SLC16A9: variants seen among roughly 807,000 people sequenced by gnomAD.
SLC16A9 encodes the protein solute carrier family 16 member 9.
Under a neutral mutation model 44.3 loss-of-function variants are expected in SLC16A9, and 26 were observed. The ratio of observed to expected loss-of-function variants is 0.59; its 90% CI spans 0.43 to 0.81. SLC16A9 has a LOEUF of 0.81. SLC16A9 is among the 40% of genes least tolerant of loss of function. The pLI is 0.00. For synonymous variants in SLC16A9, 230 were observed against 225.1 expected (o/e 1.02, Z -0.19); for missense variants, 559 against 595.8 (o/e 0.94, Z 0.64).
chr10:59,652,668 C>A lies in SLC16A9; in HGVS notation c.*104G>T. 2.9e-6 allele frequency: 3 copies of A among 1,042,668 alleles called. No homozygotes were observed. The highest frequency in any genetic ancestry group is 2.0e-5 in the South Asian group (1 of 50,974). 64.6% of individuals were successfully genotyped at this position (1,042,668 alleles called of 1,614,324 possible). On this transcript the variant is annotated 3_prime_UTR_variant, in exon 6 of 6. Coordinates refer to ENST00000395348, the MANE Select transcript of SLC16A9 (RefSeq NM_194298.3). ...CAGAGTCAGTCATTGTGAAATTTTGCTATGAGAAAATAGTCTTGACTCTAG... is the reference window on the plus strand; with the variant it reads ...CAGAGTCAGTCATTGTGAAATTTTGATATGAGAAAATAGTCTTGACTCTAG...
At chr10:59,654,692 G>A (rs1839310054) in intron 4 of SLC16A9, 103 bp from the exon 5 acceptor site, 1 of 858,322 alleles carries the variant, frequency 1.2e-6, no homozygotes, top group African/African-American at 1.7e-5. Flanking sequence ...GCATTTATAT[G>A]TAACTTCATA....
rs192893386 is a variant in SLC16A9, at chr10:59,694,508, T to C, written c.-36-10181A>G. Reference sequence around the variant, plus strand: ...GACTATAGATAGAATACATTAAGTATACTAAATATTCAGCCAGGTGCAGTG... The same window carrying C: ...GACTATAGATAGAATACATTAAGTACACTAAATATTCAGCCAGGTGCAGTG... On this transcript the variant is annotated intron_variant, in intron 1 of 5. Transcript: ENST00000395348. Among the ~76,000 whole-genome samples, 4 of 151,986 alleles carry C rather than the reference T, an allele frequency of 2.6e-5. No homozygotes were observed. In the East Asian group the frequency reaches 7.8e-4, roughly 30 times the overall value.
intron 4 of SLC16A9, among the ~76,000 whole-genome samples, chr10:59,658,412 C>T (rs1335510731): frequency 6.6e-6 from 1 of 152,140 alleles, no homozygotes; most frequent in African/African-American, 2.4e-5. Context: ...CTCTTTTCAT[C>T]AACGTACTAT....
intron 4 of SLC16A9, among the ~76,000 whole-genome samples, chr10:59,663,848 A>G (rs1367355249): frequency 6.6e-6 from 1 of 152,066 alleles, no homozygotes; most frequent in Non-Finnish European, 1.5e-5. Flanking sequence ...TAGAAATATC[A>G]TAAAGACAAC....
chr10:59,653,035 A>ATAC, intron 5 of SLC16A9, 85 bp from the exon 6 acceptor site: 1 of 1,021,108 alleles, frequency 9.8e-7, no homozygotes, highest in Non-Finnish European at 1.4e-6. Flanking sequence ...AGTTTTATAT[A>ATAC]TAGTTATAAT....
Position 59,654,087 on chromosome 10 carries a change from G to C in SLC16A9, c.939C>G (p.Ile313Met), listed in dbSNP as rs1839286676. 9.3e-6 allele frequency: 15 copies of C among 1,614,116 alleles called. No homozygotes were observed. Among genetic ancestry groups the C allele is most frequent in the Non-Finnish European group, 1.3e-5 (15 of 1,180,030 alleles). Residue 313 changes from isoleucine to methionine, a missense_variant, in exon 5 of 6, where the codon ATC becomes ATG. Coordinates refer to ENST00000395348, the MANE Select transcript of SLC16A9 (RefSeq NM_194298.3). ...GAAACCCTCCGATGTCAAAGAGTAA[G>C]ATAGCAATGAAAAGGGCTGAAAATA... ...NKVFSALFIA[I>M]LLFDIGGFPP...
At chr10:59,702,234 T>A (rs947467528) in intron 1 of SLC16A9, among the ~76,000 whole-genome samples, 1 of 152,316 alleles carries the variant, frequency 6.6e-6, no homozygotes, top group African/African-American at 2.4e-5. Flanking sequence ...AGAGTCTGTC[T>A]CCACCATTGA....
In SLC16A9 at chr10:59,677,964, C is replaced by T. The variant is rs370735538; in HGVS notation, c.197-5051G>A. ...GGTTAGTTACATATGTATACATGTG[C>T]CATGCTGGTGCGCTGCACCCACTAA... On this transcript the variant is annotated intron_variant, in intron 2 of 5. Transcript: ENST00000395348. 2.4e-4 allele frequency among the ~76,000 whole-genome samples: 37 copies of T among 151,682 alleles called. No individual in the cohort carries two copies. The East Asian group carries it at 4.3e-3, about 18-fold the overall frequency.
chr10:59,687,805 T>C (rs923174713), intron 1 of SLC16A9, among the ~76,000 whole-genome samples: 1 of 151,704 alleles, frequency 6.6e-6, no homozygotes, highest in Non-Finnish European at 1.5e-5. Context: ...TACAAAAAAA[T>C]ACAAAAATTA....
intron 1 of SLC16A9, among the ~76,000 whole-genome samples, chr10:59,701,036 T>C (rs537778137): frequency 6.6e-6 from 1 of 152,306 alleles, no homozygotes; most frequent in Non-Finnish European, 1.5e-5. Context: ...TTTTTCACCA[T>C]TTTCCATGTC....
At chr10:59,686,965 T>A (rs547241333) in intron 1 of SLC16A9, among the ~76,000 whole-genome samples, 1 of 152,348 alleles carries the variant, frequency 6.6e-6, no homozygotes, top group South Asian at 2.1e-4. Flanking sequence ...TGGAGTGCAA[T>A]GGCACAATCT....
chr10:59,708,520 T>C (rs1047147562), intron 1 of SLC16A9: 1 of 152,192 alleles, frequency 6.6e-6, no homozygotes, highest in African/African-American at 2.4e-5. Context: ...ATATGAACTG[T>C]TATTCAGTTA....
chr10:59,653,425 C>CA (rs562805430), intron 5 of SLC16A9, among the ~76,000 whole-genome samples: 1 of 36,764 alleles, frequency 2.7e-5, no homozygotes, highest in Non-Finnish European at 6.7e-5. Context: ...AACTCCGTCT[C>CA]AAAAAAAAAA....
At chr10:59,679,683 T>C (rs1479087097) in intron 2 of SLC16A9, among the ~76,000 whole-genome samples, 3 of 152,228 alleles carry the variant, frequency 2.0e-5, no homozygotes, top group Non-Finnish European at 2.9e-5. Context: ...CCTAGATTGG[T>C]GTTTGAACAA....
chr10:59,670,370 C>G (rs1360618610), intron 3 of SLC16A9, among the ~76,000 whole-genome samples: 1 of 152,204 alleles, frequency 6.6e-6, no homozygotes, highest in Non-Finnish European at 1.5e-5. Context: ...AGCTAGCATT[C>G]ATTGCACTAT....
At position 59,650,772 on chromosome 10, in the gene SLC16A9, A is replaced by G. The variant is rs1033256788; in HGVS notation, c.*2000T>C. ...AAAAGCAACCAAACTGATGCAAAAC[A>G]AAGAAAAATATTTTATTGTAACTTA... On this transcript the variant is annotated 3_prime_UTR_variant, in exon 6 of 6. Transcript: ENST00000395348. The G allele has an allele frequency of 2.4e-4, 37 of 152,230 alleles. No individual in the cohort carries two copies. The highest frequency in any genetic ancestry group is 8.9e-4 in the African/African-American group (37 of 41,470). 9.4% of individuals were successfully genotyped at this position (152,230 alleles called of 1,614,324 possible). A position where few individuals can be genotyped will look rare whatever the true frequency, so the allele number is the denominator to read the frequency against.
intron 1 of SLC16A9, among the ~76,000 whole-genome samples, chr10:59,705,293 C>A (rs953206947): frequency 3.3e-5 from 5 of 152,038 alleles, no homozygotes; most frequent in Non-Finnish European, 5.9e-5. Context: ...AGTCCTGCTA[C>A]AGGAATCAGG....
Position 59,654,476 on chromosome 10 carries a change from A to T in SLC16A9, c.550T>A (p.Cys184Ser). 6.2e-7 allele frequency: 1 copy of T among 1,612,862 alleles called. No individual in the cohort carries two copies. The highest frequency in any genetic ancestry group is 8.5e-7 in the Non-Finnish European group (1 of 1,180,036). Reference protein sequence around the residue: ...VGALALNILACGSLMRPLQSS... With the variant: ...VGALALNILASGSLMRPLQSS... ...TGGAGGGGTCTCATCAGACTGCCACAGGCTAATATATTTAAAGCTAAAGCA... is the reference window on the plus strand; with the variant it reads ...TGGAGGGGTCTCATCAGACTGCCACTGGCTAATATATTTAAAGCTAAAGCA... The change falls in exon 5 of 6, where the codon TGT (cysteine) becomes AGT (serine). Residue 184 changes from cysteine to serine, a missense_variant. Physicochemically the swap from Cys to Ser is moderately radical, Grantham distance 112. Coordinates refer to ENST00000395348, the MANE Select transcript of SLC16A9 (RefSeq NM_194298.3).
chr10:59,680,580 AG>A (rs1445687679), intron 2 of SLC16A9, among the ~76,000 whole-genome samples: 3 of 152,260 alleles, frequency 2.0e-5, no homozygotes, highest in Admixed American at 6.5e-5. Flanking sequence ...AAAATGTCAA[AG>A]CAAATCATAT....
Sources: gnomAD v4.1 joint callset for allele counts (sites outside exome capture counted in the v4.1 genomes callset) on GRCh38, gnomAD v4.1.1 for gene constraint, MANE v1.5 for transcripts, NCBI Gene and HGNC (gene_info 2026-07-23, HGNC 2026-07-21) for gene names.